Variants in PCDH11X observed in about 807,000 individuals in gnomAD.
The protein encoded by PCDH11X is protocadherin-11 X-linked.
PCDH11X carries 18 observed loss-of-function variants against 53.3 expected under a neutral mutation model. That is an observed-to-expected ratio of 0.34 (90% CI 0.23 to 0.50). The LOEUF (loss-of-function observed/expected upper bound fraction) is 0.50. Ranked by LOEUF, PCDH11X falls within the 20% of genes least tolerant of loss-of-function variation. The pLI, the probability that PCDH11X is intolerant of heterozygous loss-of-function variation, is 0.98. For synonymous variants in PCDH11X, 279 were observed against 393.3 expected, an observed-to-expected ratio of 0.71 and a Z score of 3.44; for missense variants, 570 against 1,032.4, an observed-to-expected ratio of 0.55 and a Z score of 6.14.
chrX:92,321,759 G>A (rs1402058556), intron 8 of PCDH11X, among the ~76,000 whole-genome samples: 1 of 111,074 alleles, frequency 9.0e-6, no homozygotes, highest in Non-Finnish European at 1.9e-5. Flanking sequence ...GAAGTATAAT[G>A]AGGAGTGACT....
At position 91,849,143 on chromosome X, in the gene PCDH11X, C is replaced by T. The variant is rs191008042; in HGVS notation, c.540+13099C>T. On this transcript the variant is annotated intron_variant, in intron 5 of 10. Transcript: ENST00000682573. ...GTGATAATAAAAATCAAGTTAAATA[C>T]AAGATGTGGTATAGAGTTCAGTTAG... Among the ~76,000 whole-genome samples, 193 of 111,004 alleles carry T rather than the reference C, an allele frequency of 1.7e-3. 1 individual carries two copies. The highest frequency in any genetic ancestry group is 6.0e-3 in the African/African-American group (183 of 30,543).
intron 6 of PCDH11X, among the ~76,000 whole-genome samples, chrX:91,909,380 A>G (rs1364983534): frequency 9.3e-6 from 1 of 107,086 alleles, no homozygotes; most frequent in Non-Finnish European, 1.9e-5. Flanking sequence ...TTCGTGGCTC[A>G]TATGTTAATA....
intron 8 of PCDH11X, among the ~76,000 whole-genome samples, chrX:92,285,400 C>T (rs1485284364): frequency 9.2e-6 from 1 of 108,991 alleles, no homozygotes. Flanking sequence ...ATTAGAGGCC[C>T]CCACCACCAT....
chrX:92,050,123 T>C (rs901121002), intron 6 of PCDH11X, among the ~76,000 whole-genome samples: 41 of 111,075 alleles, frequency 3.7e-4, no homozygotes, highest in Non-Finnish European at 6.0e-4. Flanking sequence ...GGCTTAAAAA[T>C]AGAGGTATTA....
At chrX:92,069,770 C>T (rs1201879055) in intron 6 of PCDH11X, among the ~76,000 whole-genome samples, 3 of 111,670 alleles carry the variant, frequency 2.7e-5, no homozygotes, top group Non-Finnish European at 5.6e-5. Flanking sequence ...CAACCTCCAC[C>T]TCCTGGGTTC....
intron 9 of PCDH11X, among the ~76,000 whole-genome samples, chrX:92,465,097 T>C (rs574361040): frequency 9.0e-6 from 1 of 111,072 alleles, no homozygotes; most frequent in South Asian, 3.8e-4. Flanking sequence ...TACTGAGCTA[T>C]GATCTTTCCA....
intron 10 of PCDH11X, among the ~76,000 whole-genome samples, chrX:92,527,049 G>A (rs1309322216): frequency 1.8e-5 from 2 of 111,440 alleles, no homozygotes; most frequent in Non-Finnish European, 3.8e-5. Context: ...CCACTTTTTT[G>A]TGGGATCTAA....
chrX:92,553,261 A>T, intron 10 of PCDH11X, among the ~76,000 whole-genome samples: 1 of 101,390 alleles, frequency 9.9e-6, no homozygotes, highest in Non-Finnish European at 2.0e-5. Flanking sequence ...ATTACTTGTT[A>T]TTTGTCTGTT....
At chrX:92,518,090 A>C (rs2557082) in intron 10 of PCDH11X, among the ~76,000 whole-genome samples, 31,072 of 103,367 alleles carry the variant, frequency 0.3, 4,954 homozygotes, top group Non-Finnish European at 0.39. Flanking sequence ...TTTAAGCAAA[A>C]CAGTATGTAA....
chrX:91,856,663 C>T (rs1474437025), intron 5 of PCDH11X, among the ~76,000 whole-genome samples: 3 of 110,177 alleles, frequency 2.7e-5, no homozygotes, highest in Non-Finnish European at 5.7e-5. Flanking sequence ...CATGCGTTCT[C>T]GTTGTTCAGA....
chrX:92,557,099 GCCCA>G (rs2075057424), intron 10 of PCDH11X, among the ~76,000 whole-genome samples: 1 of 109,369 alleles, frequency 9.1e-6, no homozygotes, highest in Non-Finnish European at 1.9e-5. Flanking sequence ...AGGGCCCTGG[GCCCA>G]GCCCATGAAA....
At chrX:91,779,825 T>C (rs1373804403) in intron 1 of PCDH11X, 141 bp downstream of exon 1, 1 of 108,101 alleles carries the variant, frequency 9.3e-6, no homozygotes, top group Admixed American at 9.9e-5. Flanking sequence ...CTTCTGCTAT[T>C]CTCCCTTCCC....
chrX:92,069,931 C>T (rs1214535231), intron 6 of PCDH11X, among the ~76,000 whole-genome samples: 1 of 110,978 alleles, frequency 9.0e-6, no homozygotes, highest in East Asian at 2.8e-4. Context: ...ATCTGCCTGC[C>T]TCGGCCTCCC....
At chrX:92,600,896 A>G (rs1926153125) in intron 10 of PCDH11X, among the ~76,000 whole-genome samples, 2 of 104,583 alleles carry the variant, frequency 1.9e-5, no homozygotes, top group African/African-American at 7.2e-5. Context: ...GTGGATGTGA[A>G]ACATGCAGTC....
chrX:92,091,587 T>C (rs2064049285), intron 6 of PCDH11X, among the ~76,000 whole-genome samples: 1 of 111,489 alleles, frequency 9.0e-6, no homozygotes, highest in African/African-American at 3.3e-5. Context: ...CATGAGACAT[T>C]AATCAAATAC....
chrX:92,039,871 T>C (rs2148028574), intron 6 of PCDH11X, among the ~76,000 whole-genome samples: 1 of 106,997 alleles, frequency 9.3e-6, no homozygotes, highest in East Asian at 3.1e-4. Flanking sequence ...AGTCCCACCA[T>C]GTACTATCTG....
chrX:92,581,765 A>G (rs1923740114), intron 10 of PCDH11X, among the ~76,000 whole-genome samples: 1 of 111,402 alleles, frequency 9.0e-6, no homozygotes, highest in African/African-American at 3.3e-5. Context: ...AGATAGAAAA[A>G]TGTGGGAATG....
intron 6 of PCDH11X, among the ~76,000 whole-genome samples, chrX:92,086,360 A>G (rs540393173): frequency 1.8e-4 from 20 of 111,803 alleles, no homozygotes; most frequent in African/African-American, 5.5e-4. Flanking sequence ...AATGACCTGC[A>G]TATTAACATT....
At chrX:92,088,392 T>C (rs933491589) in intron 6 of PCDH11X, among the ~76,000 whole-genome samples, 2 of 111,558 alleles carry the variant, frequency 1.8e-5, no homozygotes, top group Admixed American at 9.6e-5. Flanking sequence ...ATTCTCTTTT[T>C]TAATGCTTTG....
Sources: allele counts gnomAD v4.1 joint callset (sites outside exome capture counted in the v4.1 genomes callset), GRCh38; gene constraint gnomAD v4.1.1; transcripts MANE v1.5; gene names NCBI Gene and HGNC (gene_info 2026-07-23, HGNC 2026-07-21).